The following RARB variants were observed in gnomAD, a reference collection of about 807,000 sequenced individuals.
RARB encodes the protein retinoic acid receptor beta.
In RARB, 17 loss-of-function variants were observed where a neutral mutation model predicts 51.9. That is an observed-to-expected ratio of 0.33 (90% CI 0.22 to 0.49). The LOEUF is 0.49. Among genes scored for constraint, RARB ranks in the 20% least tolerant of loss-of-function variants. The probability of loss-of-function intolerance (pLI) is 0.99; values close to 1 mark genes in which losing one functional copy is unlikely to be tolerated. For synonymous variants in RARB, 215 were observed against 195.4 expected (o/e 1.10, Z -0.84); for missense variants, 369 against 550.8 (o/e 0.67, Z 3.30).
intron 4 of RARB, among the ~76,000 whole-genome samples, chr3:25,572,159 T>A (rs531031306): frequency 6.6e-6 from 1 of 152,090 alleles, no homozygotes; most frequent in Non-Finnish European, 1.5e-5. Context: ...ACAGGTGCTG[T>A]GCAATGGTGG....
At chr3:24,922,096 T>C (rs959570998) in intron 2 of RARB, among the ~76,000 whole-genome samples, 1 of 152,224 alleles carries the variant, frequency 6.6e-6, no homozygotes, top group Admixed American at 6.5e-5. Flanking sequence ...AAAATACAGA[T>C]ACCACTGTCT....
chr3:25,346,692 G>A (rs1259678941), intron 5 of RARB, among the ~76,000 whole-genome samples: 1 of 152,164 alleles, frequency 6.6e-6, no homozygotes, highest in African/African-American at 2.4e-5. Flanking sequence ...GTCAACACAG[G>A]ATGTTTTGAC....
At chr3:25,140,137 C>T (rs763329952) in intron 4 of RARB, among the ~76,000 whole-genome samples, 2 of 151,836 alleles carry the variant, frequency 1.3e-5, no homozygotes, top group Non-Finnish European at 2.9e-5. Context: ...TATTCTGTAG[C>T]CCATGAATCA....
At chr3:25,275,829 C>A (rs568269911) in intron 5 of RARB, among the ~76,000 whole-genome samples, 34 of 152,250 alleles carry the variant, frequency 2.2e-4, no homozygotes, top group African/African-American at 7.9e-4. Flanking sequence ...ATGTAAATGA[C>A]AAGTTAATGG....
At chr3:25,227,645 G>A (rs1315723580) in intron 5 of RARB, among the ~76,000 whole-genome samples, 1 of 152,036 alleles carries the variant, frequency 6.6e-6, no homozygotes, top group Non-Finnish European at 1.5e-5. Context: ...TATGTTTGCT[G>A]TATTATTACA....
intron 5 of RARB, among the ~76,000 whole-genome samples, chr3:25,308,342 C>G (rs889375879): frequency 6.6e-6 from 1 of 152,176 alleles, no homozygotes; most frequent in Non-Finnish European, 1.5e-5. Context: ...TGGTCATATT[C>G]CTATGCTTTG....
intron 5 of RARB, among the ~76,000 whole-genome samples, chr3:25,343,430 A>G (rs912304196): frequency 1.3e-5 from 2 of 151,082 alleles, no homozygotes; most frequent in Non-Finnish European, 1.5e-5. Flanking sequence ...GAGGAGATTA[A>G]TTTCATTTCT....
chr3:24,969,606 C>T (rs1006718747), intron 2 of RARB, among the ~76,000 whole-genome samples: 24 of 152,036 alleles, frequency 1.6e-4, no homozygotes, highest in African/African-American at 5.8e-4. Context: ...AGCTTAGATA[C>T]TTATGTCTTT....
chr3:24,997,089 A>T (rs1022617613), intron 2 of RARB, among the ~76,000 whole-genome samples: 1 of 152,110 alleles, frequency 6.6e-6, no homozygotes, highest in Non-Finnish European at 1.5e-5. Flanking sequence ...ATTGAGGTCT[A>T]TCTCTCACTT....
chr3:24,933,686 ATTC>A (rs1695489118), intron 2 of RARB, among the ~76,000 whole-genome samples: 1 of 152,168 alleles, frequency 6.6e-6, no homozygotes, highest in Non-Finnish European at 1.5e-5. Context: ...CAGCAACCTT[ATTC>A]TTCATAAAAT....
At chr3:24,897,291 G>T (rs1488161492) in intron 2 of RARB, among the ~76,000 whole-genome samples, 1 of 152,074 alleles carries the variant, frequency 6.6e-6, no homozygotes, top group Admixed American at 6.6e-5. Context: ...TAAATATAAG[G>T]AGTAAAACGC....
chr3:25,581,184 A>G (rs1253222404), intron 5 of RARB, among the ~76,000 whole-genome samples: 1 of 152,198 alleles, frequency 6.6e-6, no homozygotes, highest in Non-Finnish European at 1.5e-5. Context: ...CCTAAGTGGG[A>G]GTGCGTTCGT....
chr3:25,557,580 C>A (rs756158255), intron 3 of RARB, among the ~76,000 whole-genome samples: 1 of 152,104 alleles, frequency 6.6e-6, no homozygotes, highest in Non-Finnish European at 1.5e-5. Context: ...ATTGTGCAAG[C>A]TGGAAACCCT....
intron 2 of RARB, among the ~76,000 whole-genome samples, chr3:24,912,995 T>TTTTTTTTTTTTA (rs1695026024): frequency 7.5e-6 from 1 of 134,128 alleles, no homozygotes; most frequent in African/African-American, 2.8e-5. Flanking sequence ...TTTTTTTTTT[T>TTTTTTTTTTTTA]TTGGAGACAG....
intron 3 of RARB, among the ~76,000 whole-genome samples, chr3:25,127,064 T>C (rs1699871684): frequency 6.6e-6 from 1 of 152,144 alleles, no homozygotes; most frequent in Non-Finnish European, 1.5e-5. Context: ...TCATCATCTT[T>C]CGCCTGCATC....
intron 5 of RARB, among the ~76,000 whole-genome samples, chr3:25,250,313 G>A (rs112069567): frequency 6.6e-6 from 1 of 152,186 alleles, no homozygotes; most frequent in Admixed American, 6.5e-5. Context: ...CATGTGATGT[G>A]TGCAGGCACT....
At chr3:24,976,000 A>C (rs564566842) in intron 2 of RARB, among the ~76,000 whole-genome samples, 3 of 152,210 alleles carry the variant, frequency 2.0e-5, no homozygotes, top group African/African-American at 7.2e-5. Context: ...ACTCCCACTT[A>C]TGAGTGAGAA....
intron 1 of RARB, among the ~76,000 whole-genome samples, chr3:25,430,155 G>T (rs1708145671): frequency 6.6e-6 from 1 of 152,208 alleles, no homozygotes; most frequent in Non-Finnish European, 1.5e-5. Context: ...CAGCCTGGCT[G>T]TCTGACTTAA....
chr3:25,395,873 T>G (rs1353702018), intron 5 of RARB, among the ~76,000 whole-genome samples: 1 of 152,232 alleles, frequency 6.6e-6, no homozygotes, highest in Non-Finnish European at 1.5e-5. Flanking sequence ...CAGAGATATC[T>G]TCTTGGTTTA....
Sources: gnomAD v4.1 joint callset for allele counts (sites outside exome capture counted in the v4.1 genomes callset) on GRCh38, gnomAD v4.1.1 for gene constraint, MANE v1.5 for transcripts, NCBI Gene and HGNC (gene_info 2026-07-23, HGNC 2026-07-21) for gene names.